WDR76: variants seen among roughly 807,000 people sequenced by gnomAD.
WDR76 encodes WD repeat domain 76.
Under a neutral mutation model 70.2 loss-of-function variants are expected in WDR76, and 52 were observed. The observed-to-expected ratio is 0.74, with a 90% CI of 0.59 to 0.93. The LOEUF is 0.93. WDR76 is among the 40% of genes least tolerant of loss of function. WDR76 has a pLI of 0.00. For missense variants in WDR76, 756 were observed against 760.2 expected, an observed-to-expected ratio of 0.99 and a Z score of 0.07; for synonymous variants, 292 against 271.1, an observed-to-expected ratio of 1.08 and a Z score of -0.76.
rs900205950 is a variant in WDR76, at chr15:43,858,803, A to G, written c.1542A>G (p.Thr514=). The part of the protein sequence containing the change: ...SPLTGNRVVT[T]CADCNLRIFD... ...TTACTGGTAACAGAGTGGTGACCAC[A>G]TGTGCTGATTGTAATCTGAGGTAAA... is the stretch of plus-strand genomic sequence containing the variant. The change falls in exon 11 of 13, where the codon ACA becomes ACG. Residue 514 remains threonine, a synonymous_variant. Coordinates refer to ENST00000263795, the MANE Select transcript of WDR76 (RefSeq NM_024908.4). The G allele has an allele frequency of 6.2e-7, 1 of 1,613,948 alleles. No individual in the cohort carries two copies. Among genetic ancestry groups the G allele is most frequent in the Non-Finnish European group, 8.5e-7 (1 of 1,179,962 alleles).
At chr15:43,843,792 T>C (rs1288984911) in intron 7 of WDR76, 109 bp from the exon 8 acceptor site, 1 of 991,984 alleles carries the variant, frequency 1.0e-6, no homozygotes, top group African/African-American at 1.7e-5. Flanking sequence ...GATTGAATAG[T>C]TCCCATATTT....
intron 12 of WDR76, among the ~76,000 whole-genome samples, chr15:43,863,708 C>G (rs2088034884): frequency 6.6e-6 from 1 of 152,100 alleles, no homozygotes; most frequent in African/African-American, 2.4e-5. Context: ...TTCAGACACA[C>G]AGAACCATGC....
In WDR76 at chr15:43,845,080, A is replaced by C. The variant is rs1002826339; in HGVS notation, c.1032+1026A>C. Among the ~76,000 whole-genome samples, 49 of 144,382 alleles carry C rather than the reference A, an allele frequency of 3.4e-4. 3 individuals are homozygous for C. The highest frequency in any genetic ancestry group is 4.2e-4 in the Non-Finnish European group (27 of 64,450). 94.7% of individuals were successfully genotyped at this position (144,382 alleles called of 152,430 possible). A position where few individuals can be genotyped will look rare whatever the true frequency, so the allele number is the denominator to read the frequency against. Reference sequence around the variant, plus strand: ...AGGTTCACGCCATTCTCTTGCCTCAACCTCCCGAGTAGCTGGGACTACAGG... The same window carrying C: ...AGGTTCACGCCATTCTCTTGCCTCACCCTCCCGAGTAGCTGGGACTACAGG... On this transcript the variant is annotated intron_variant, in intron 8 of 12. Transcript: ENST00000263795.
intron 9 of WDR76, among the ~76,000 whole-genome samples, chr15:43,852,464 C>T (rs1043697062): frequency 6.6e-6 from 1 of 152,118 alleles, no homozygotes; most frequent in East Asian, 1.9e-4. Context: ...CTCCGCCTCC[C>T]AGGTTCAAGT....
intron 9 of WDR76, among the ~76,000 whole-genome samples, chr15:43,854,675 G>A (rs150868990): frequency 1.3e-5 from 2 of 152,002 alleles, no homozygotes; most frequent in Admixed American, 1.3e-4. Context: ...AGAGCTGGGC[G>A]CAGTGGCTCA....
At chr15:43,831,386 A>G (rs946542216) in intron 2 of WDR76, among the ~76,000 whole-genome samples, 2 of 151,078 alleles carry the variant, frequency 1.3e-5, no homozygotes, top group African/African-American at 4.9e-5. Flanking sequence ...CAGGCTGCCC[A>G]CCTCGGCCTC....
chr15:43,839,742 C>G lies in WDR76; in HGVS notation c.732+14C>G. The G allele has an allele frequency of 1.3e-6, 2 of 1,583,584 alleles. No homozygotes were observed. Among genetic ancestry groups the G allele is most frequent in the Non-Finnish European group, 1.7e-6 (2 of 1,167,026 alleles). ...GCAGATGAAACTGTAAGGAAATGTGCAAATATAATATTTTAATGTAATAAA... is the reference window on the plus strand; with the variant it reads ...GCAGATGAAACTGTAAGGAAATGTGGAAATATAATATTTTAATGTAATAAA... On this transcript the variant is annotated intron_variant, in intron 5 of 12. Coordinates refer to ENST00000263795, the MANE Select transcript of WDR76 (RefSeq NM_024908.4).
intron 12 of WDR76, among the ~76,000 whole-genome samples, chr15:43,865,130 C>G (rs960961734): frequency 1.3e-5 from 2 of 149,864 alleles, no homozygotes; most frequent in Admixed American, 6.7e-5. Flanking sequence ...GAATCTCACT[C>G]TGTTGCCCAG....
chr15:43,854,818 C>T (rs2087909137), intron 9 of WDR76, among the ~76,000 whole-genome samples: 1 of 152,076 alleles, frequency 6.6e-6, no homozygotes, highest in South Asian at 2.1e-4. Flanking sequence ...GGCATGGTGG[C>T]TCACGCCTGT....
At chr15:43,836,240 C>A in intron 4 of WDR76, 24 bp downstream of exon 4, 1 of 1,600,580 alleles carries the variant, frequency 6.2e-7, no homozygotes, top group Non-Finnish European at 8.5e-7. Flanking sequence ...TTTGCAATGC[C>A]TGAACCATGA....
chr15:43,857,113 T>G lies in WDR76; in HGVS notation c.1359T>G (p.Thr453=), dbSNP rs1449980987. 9 of 1,614,014 alleles carry G rather than the reference T, an allele frequency of 5.6e-6. No individual in the cohort carries two copies. The Admixed American group carries it at 6.7e-5, about 12-fold the overall frequency. The change falls in exon 10 of 13, where the codon ACT becomes ACG. Residue 453 remains threonine (T), a synonymous_variant. Transcript: ENST00000263795. ...GTTCTTCTATGGGAAAAATAAGAAC[T>G]GTTCATGTCCACCCAGTGCATAGAC... ...LTSSSMGKIR[T]VHVHPVHRQY...
chr15:43,838,693 C>T (rs2087687308), intron 4 of WDR76, among the ~76,000 whole-genome samples: 1 of 151,998 alleles, frequency 6.6e-6, no homozygotes, highest in African/African-American at 2.4e-5. Context: ...TATGATATTC[C>T]ACTGTATGAA....
At chr15:43,857,961 C>CTTTTTT (rs397854561) in intron 10 of WDR76, among the ~76,000 whole-genome samples, 1 of 95,528 alleles carries the variant, frequency 1.0e-5, no homozygotes, top group African/African-American at 3.5e-5. Context: ...AGGGTTCTGT[C>CTTTTTT]TTTTTTTTTT....
At chr15:43,849,629 C>A (rs1427243212) in intron 8 of WDR76, among the ~76,000 whole-genome samples, 1 of 152,086 alleles carries the variant, frequency 6.6e-6, no homozygotes, top group East Asian at 1.9e-4. Flanking sequence ...ACCTCTGCCT[C>A]CCCGGTTCAA....
Position 43,835,195 on chromosome 15 carries a change from A to C in WDR76, c.552+45A>C. ...AAAAGCAAGATGCAGGGCCGGGAAC[A>C]GTGGGTAGCGCCTGTAATCCTGTCA... On this transcript the variant is annotated intron_variant, in intron 3 of 12. Coordinates refer to ENST00000263795, the MANE Select transcript of WDR76 (RefSeq NM_024908.4). 1.9e-6 allele frequency: 3 copies of C among 1,565,590 alleles called. No individual in the cohort carries two copies. In the South Asian group the frequency reaches 3.3e-5, roughly 17 times the overall value.
chr15:43,827,276 A>G (rs1164409322), intron 1 of WDR76, among the ~76,000 whole-genome samples, 184 bp downstream of exon 1: 2 of 152,196 alleles, frequency 1.3e-5, no homozygotes, highest in Non-Finnish European at 2.9e-5. Flanking sequence ...TGGGAGAGTC[A>G]CATCTGGGAT....
chr15:43,828,431 G>T, intron 2 of WDR76, 65 bp downstream of exon 2: 1 of 1,478,954 alleles, frequency 6.8e-7, no homozygotes, highest in Middle Eastern at 1.8e-4. Context: ...CTGATAAATC[G>T]AAGTTTTTCG....
Position 43,857,052 on chromosome 15 carries a change from G to A in WDR76, c.1298G>A (p.Arg433Lys), listed in dbSNP as rs1276134567. The A allele has an allele frequency of 6.2e-7, 1 of 1,614,132 alleles. No homozygotes were observed. Reference sequence around the variant, plus strand: ...GATGGAAATATGTCACTGGTGGATAGACGGACACCTGGAACTTCTTATGAG... The same window carrying A: ...GATGGAAATATGTCACTGGTGGATAAACGGACACCTGGAACTTCTTATGAG... ...HWDGNMSLVD[R>K]RTPGTSYEKL... Residue 433 changes from arginine (R) to lysine (K), a missense_variant, in exon 10 of 13, where the codon AGA (arginine) becomes AAA (lysine). Coordinates refer to ENST00000263795, the MANE Select transcript of WDR76 (RefSeq NM_024908.4).
intron 12 of WDR76, among the ~76,000 whole-genome samples, chr15:43,862,502 GT>G (rs1567193756): frequency 7.2e-6 from 1 of 137,958 alleles, no homozygotes; most frequent in East Asian, 2.1e-4. Context: ...TTTTTTTTTT[GT>G]TTTTTGTTTT....
Sources: gnomAD v4.1 joint callset for allele counts (sites outside exome capture counted in the v4.1 genomes callset) on GRCh38, gnomAD v4.1.1 for gene constraint, MANE v1.5 for transcripts, NCBI Gene and HGNC (gene_info 2026-07-23, HGNC 2026-07-21) for gene names.